Variants in CACNA2D4 observed in about 807,000 individuals in gnomAD.
The protein encoded by CACNA2D4 is voltage-dependent calcium channel subunit alpha-2/delta-4.
A neutral mutation model predicts 163.8 loss-of-function variants in CACNA2D4; 157 were observed. The ratio of observed to expected loss-of-function variants is 0.96; its 90% CI spans 0.84 to 1.09. CACNA2D4 has a LOEUF of 1.09. Among genes scored for constraint, CACNA2D4 ranks in the 50% least tolerant of loss-of-function variants. The pLI, the probability that CACNA2D4 is intolerant of heterozygous loss-of-function variation, is 0.00. For missense variants in CACNA2D4, 1,410 were observed against 1,479.9 expected (o/e 0.95, Z 0.78); for synonymous variants, 598 against 586.9 (o/e 1.02, Z -0.27).
chr12:1,879,585 T>G (rs77874864), intron 14 of CACNA2D4, among the ~76,000 whole-genome samples: 32,603 of 152,164 alleles, frequency 0.21, 5,741 homozygotes, highest in African/African-American at 0.49. Flanking sequence ...CCAGCCAGCC[T>G]GCAGTCACTG....
At chr12:1,913,548 A>C (rs1866887111) in intron 2 of CACNA2D4, among the ~76,000 whole-genome samples, 1 of 152,226 alleles carries the variant, frequency 6.6e-6, no homozygotes, top group African/African-American at 2.4e-5. Flanking sequence ...CCCTGGCATC[A>C]GTTCACCTTT....
Position 1,829,189 on chromosome 12 carries a change from T to A in CACNA2D4, c.2551+11550A>T, listed in dbSNP as rs187282188. 2.0e-4 allele frequency among the ~76,000 whole-genome samples: 31 copies of A among 152,304 alleles called. No homozygotes were observed. In the East Asian group the frequency reaches 5.4e-3, roughly 27 times the overall value. On this transcript the variant is annotated intron_variant, in intron 26 of 37. Coordinates refer to ENST00000382722, the MANE Select transcript of CACNA2D4 (RefSeq NM_172364.5). The surrounding 1 kb of genome is among the most constrained non-coding windows in gnomAD (Gnocchi z 4.2). The stretch of plus-strand genomic sequence containing the variant: ...AGGTGGGGGGCGCAGGGAGTCGCTC[T>A]TCCGCAGCGGCTCTCTTAGCCTGCT...
intron 25 of CACNA2D4, among the ~76,000 whole-genome samples, chr12:1,842,657 C>G (rs959395411): frequency 6.7e-6 from 1 of 150,132 alleles, no homozygotes; most frequent in Non-Finnish European, 1.5e-5. Context: ...CCCCCAGCAG[C>G]CAGCAGGCTC....
At chr12:1,911,600 T>C (rs1866819900) in intron 3 of CACNA2D4, among the ~76,000 whole-genome samples, 1 of 152,086 alleles carries the variant, frequency 6.6e-6, no homozygotes, top group Non-Finnish European at 1.5e-5. Context: ...CGCACCCTCA[T>C]GGAAGGTCTG....
intron 6 of CACNA2D4, 41 bp from the exon 7 acceptor site, chr12:1,887,110 G>T: frequency 1.4e-6 from 2 of 1,419,648 alleles, no homozygotes; most frequent in Middle Eastern, 2.0e-4. Context: ...GCTTGGTGAG[G>T]CCACCCCAGA....
intron 29 of CACNA2D4, among the ~76,000 whole-genome samples, chr12:1,807,534 A>G (rs535227737): frequency 5.3e-4 from 80 of 152,168 alleles, no homozygotes; most frequent in African/African-American, 1.8e-3. Flanking sequence ...AAACAGATGG[A>G]CGGACAGAGG....
At chr12:1,814,956 C>T (rs1863828547) in intron 26 of CACNA2D4, among the ~76,000 whole-genome samples, 1 of 152,224 alleles carries the variant, frequency 6.6e-6, no homozygotes, top group Admixed American at 6.5e-5. Context: ...GTGGCACAAT[C>T]TCAGCTCATT....
In CACNA2D4 at chr12:1,918,285, C is replaced by G; in HGVS notation, c.189G>C (p.Leu63=). Residue 63 remains leucine (L), a synonymous_variant, in exon 1 of 38, where the codon CTG becomes CTC. Coordinates refer to ENST00000382722, the MANE Select transcript of CACNA2D4 (RefSeq NM_172364.5). ...LLWLLLLGTS[L]SPAWGQAKIP... ...TCTTGGCCTGTCCCCACGCAGGGGA[C>G]AGGGAGGTGCCTAGAAGCAGCAGCC... The G allele has an allele frequency of 1.2e-6, 2 of 1,609,968 alleles. No individual in the cohort carries two copies. Among genetic ancestry groups the G allele is most frequent in the Non-Finnish European group, 1.7e-6 (2 of 1,178,232 alleles).
intron 6 of CACNA2D4, among the ~76,000 whole-genome samples, chr12:1,902,832 A>C (rs948632679): frequency 6.6e-6 from 1 of 152,192 alleles, no homozygotes; most frequent in Non-Finnish European, 1.5e-5. Flanking sequence ...TCAAAATACC[A>C]ATGACATTCT....
chr12:1,815,525 T>G (rs1170550365), intron 26 of CACNA2D4, among the ~76,000 whole-genome samples: 9 of 151,126 alleles, frequency 6.0e-5, no homozygotes, highest in African/African-American at 2.2e-4. Context: ...TTTGTTCATC[T>G]ATTTGATTTC....
intron 16 of CACNA2D4, among the ~76,000 whole-genome samples, chr12:1,876,874 C>T (rs570303555): frequency 9.1e-4 from 138 of 152,340 alleles, no homozygotes; most frequent in Non-Finnish European, 1.5e-3. Flanking sequence ...CATTTTAAAA[C>T]TGCAATTCTA....
Position 1,828,085 on chromosome 12 carries a change from G to A in CACNA2D4, c.2551+12654C>T. The A allele has an allele frequency of 1.9e-5, 27 of 1,432,606 alleles. No homozygotes were observed. Among genetic ancestry groups the A allele is most frequent in the Non-Finnish European group, 2.5e-5 (27 of 1,080,576 alleles). The allele number at this position is 1,432,606 out of a possible 1,614,324, so 88.7% of individuals were successfully genotyped here. A position where few individuals can be genotyped will look rare whatever the true frequency, so the allele number is the denominator to read the frequency against. On this transcript the variant is annotated intron_variant, in intron 26 of 37. Coordinates refer to ENST00000382722, the MANE Select transcript of CACNA2D4 (RefSeq NM_172364.5). The surrounding 1 kb of genome is among the most constrained non-coding windows in gnomAD (Gnocchi z 4.2). ...CTCCTCCCTCCCTCAGGACTGACAGGCGGCGCACCCAGGGGCTCCTCTCTC... is the reference window on the plus strand; with the variant it reads ...CTCCTCCCTCCCTCAGGACTGACAGACGGCGCACCCAGGGGCTCCTCTCTC...
At position 1,828,137 on chromosome 12, in the gene CACNA2D4, G is replaced by C. The variant is rs373797746; in HGVS notation, c.2551+12602C>G. The C allele has an allele frequency of 6.5e-7, 1 of 1,534,404 alleles. No individual in the cohort carries two copies. Among genetic ancestry groups the C allele is most frequent in the South Asian group, 1.2e-5 (1 of 82,198 alleles). On this transcript the variant is annotated intron_variant, in intron 26 of 37. Transcript: ENST00000382722. This position sits in a 1 kb window ranked among gnomAD's most constrained non-coding sequence, Gnocchi z 4.2. ...CCAGAGCGACAGGGCCCGGAGAGCC[G>C]TGGGCCTCACCATGCTGGCGCCGGG...
chr12:1,855,937 C>T (rs1031550841), intron 22 of CACNA2D4, 75 bp downstream of exon 22: 8 of 1,148,684 alleles, frequency 7.0e-6, no homozygotes, highest in Non-Finnish European at 9.1e-6. Context: ...CCCTGCCTTC[C>T]CACCTCTCCT....
intron 26 of CACNA2D4, among the ~76,000 whole-genome samples, chr12:1,814,374 C>T (rs1357209539): frequency 6.6e-6 from 1 of 152,178 alleles, no homozygotes; most frequent in African/African-American, 2.4e-5. Flanking sequence ...GTGTGTCTTG[C>T]CCCGGGTGTC....
intron 35 of CACNA2D4, among the ~76,000 whole-genome samples, chr12:1,796,519 C>G (rs944347395): frequency 3.3e-5 from 5 of 152,222 alleles, no homozygotes; most frequent in African/African-American, 9.6e-5. Context: ...ACTCTGAAGC[C>G]CTCGCTTCAC....
At chr12:1,821,509 A>T (rs548737858) in intron 26 of CACNA2D4, among the ~76,000 whole-genome samples, 220 of 152,342 alleles carry the variant, frequency 1.4e-3, no homozygotes, top group African/African-American at 4.8e-3. Context: ...AGGGCAAGAC[A>T]GGAGAACCAG....
rs1865105797 is a variant in CACNA2D4 at position 1,844,750 on chromosome 12, T to C, written c.2343-221A>G. 6.6e-6 allele frequency among the ~76,000 whole-genome samples: 1 copy of C among 152,178 alleles called. No homozygotes were observed. The highest frequency in any genetic ancestry group is 2.4e-5 in the African/African-American group (1 of 41,446). ...GCAGCTGGAAGAGGCATAGGGTCTGTAGAGTGAGGGGATACTTTCCATTTT... is the reference window on the plus strand; with the variant it reads ...GCAGCTGGAAGAGGCATAGGGTCTGCAGAGTGAGGGGATACTTTCCATTTT... On this transcript the variant is annotated intron_variant, in intron 24 of 37. Coordinates refer to ENST00000382722, the MANE Select transcript of CACNA2D4 (RefSeq NM_172364.5). This position sits in a 1 kb window ranked among gnomAD's most constrained non-coding sequence, Gnocchi z 4.2.
chr12:1,796,270 C>G (rs1592644426), intron 35 of CACNA2D4, among the ~76,000 whole-genome samples: 1 of 152,340 alleles, frequency 6.6e-6, no homozygotes, highest in South Asian at 2.1e-4. Context: ...GCCCGCCAGG[C>G]CCACGGCCTT....
Sources: gnomAD v4.1 joint callset for allele counts (sites outside exome capture counted in the v4.1 genomes callset) on GRCh38, gnomAD v4.1.1 for gene constraint, Gnocchi (gnomAD v3.1) non-coding constraint, MANE v1.5 for transcripts, NCBI Gene and HGNC (gene_info 2026-07-23, HGNC 2026-07-21) for gene names.